The following PSG1 variants were observed in gnomAD, a reference collection of about 807,000 sequenced individuals.
The protein encoded by PSG1 is pregnancy specific beta-1-glycoprotein 1.
A neutral mutation model predicts 41.4 loss-of-function variants in PSG1; 60 were observed. That is an observed-to-expected ratio of 1.45 (90% CI 1.18 to 1.80). The LOEUF (loss-of-function observed/expected upper bound fraction) is 1.80, where lower values mean the gene tolerates loss of function less well. Among genes scored for constraint, PSG1 ranks in the 40% most tolerant of loss-of-function variants. The pLI, the probability that PSG1 is intolerant of heterozygous loss-of-function variation, is 0.00. For missense variants in PSG1, 806 were observed against 516.9 expected, an observed-to-expected ratio of 1.56 and a Z score of -5.42; for synonymous variants, 256 against 192.9, an observed-to-expected ratio of 1.33 and a Z score of -2.71.
rs148809178 is a variant in PSG1, at chr19:42,878,145, G to T, written c.198C>A (p.Ile66=). 1 of 1,612,276 alleles carries T rather than the reference G, an allele frequency of 6.2e-7. No individual in the cohort carries two copies. ...GGTCCCTCATTTGCCCTTTGTACCAGATGTAGCCGGTAAGATTCTGGGGCA... is the reference window on the plus strand; with the variant it reads ...GGTCCCTCATTTGCCCTTTGTACCATATGTAGCCGGTAAGATTCTGGGGCA... ...HNLPQNLTGY[I]WYKGQMRDLY... The change falls in exon 2 of 6, where the codon ATC becomes ATA. Residue 66 remains isoleucine, a synonymous_variant. Coordinates refer to ENST00000436291, the MANE Select transcript of PSG1 (RefSeq NM_001184825.2).
chr19:42,870,333 C>A (rs1600494830), intron 3 of PSG1: 1 of 151,834 alleles, frequency 6.6e-6, no homozygotes, highest in Non-Finnish European at 1.5e-5. Flanking sequence ...GTGAGCATTT[C>A]TTTTCAGCAT....
chr19:42,877,517 G>A (rs1263043199), intron 2 of PSG1, among the ~76,000 whole-genome samples: 3 of 151,710 alleles, frequency 2.0e-5, no homozygotes, highest in Admixed American at 1.3e-4. Context: ...AGGGACAAGG[G>A]TCTGGGGTTG....
chr19:42,875,577 C>T (rs142770509), intron 2 of PSG1, among the ~76,000 whole-genome samples: 3,201 of 151,586 alleles, frequency 0.021, 121 homozygotes, highest in Middle Eastern at 0.051. Flanking sequence ...TACCTAGAGG[C>T]AGATTCAAGC....
Position 42,868,131 on chromosome 19 carries a change from T to C in PSG1, c.1213A>G (p.Ser405Gly). The change falls in exon 5 of 6, where the codon AGC (serine) becomes GGC (glycine). Residue 405 changes from serine to glycine, a missense_variant. Physicochemically the swap from Ser to Gly is moderately conservative, Grantham distance 56. Transcript: ENST00000436291. ...ACTTCGACTGTCATGGATTTGGAGC[T>C]TTCCTTGCCAGTGGCTGAGTTACGA... ...SVRNSATGKE[S>G]SKSMTVEVSD... is the part of the protein sequence containing the mutation. 6.2e-7 allele frequency: 1 copy of C among 1,612,382 alleles called. No individual in the cohort carries two copies. The highest frequency in any genetic ancestry group is 8.5e-7 in the Non-Finnish European group (1 of 1,179,096).
intron 1 of PSG1, 37 bp from the exon 2 acceptor site, chr19:42,878,315 C>A: frequency 1.9e-6 from 3 of 1,575,304 alleles, no homozygotes; most frequent in Non-Finnish European, 1.7e-6. Flanking sequence ...ATATTGAGAC[C>A]TATGTATTGG....
rs547545643 is a variant in PSG1, at chr19:42,877,514, A to G, written c.430+399T>C. ...TATCTGGAACAAGGATTTAGGGACA[A>G]GGGTCTGGGGTTGAGGCTTCTAGGG... On this transcript the variant is annotated intron_variant, in intron 2 of 5. Coordinates refer to ENST00000436291, the MANE Select transcript of PSG1 (RefSeq NM_001184825.2). Among the ~76,000 whole-genome samples, 52 of 151,810 alleles carry G rather than the reference A, an allele frequency of 3.4e-4. 1 individual carries two copies. Among genetic ancestry groups the G allele is most frequent in the African/African-American group, 1.2e-3 (51 of 41,402 alleles).
At chr19:42,870,198 T>G (rs534374972) in intron 3 of PSG1, 1 of 151,966 alleles carries the variant, frequency 6.6e-6, no homozygotes, top group African/African-American at 2.4e-5. Context: ...TGAGTATTTC[T>G]TATGCATAAG....
chr19:42,868,026 T>C (rs1360477891), intron 5 of PSG1, 75 bp downstream of exon 5: 1 of 1,610,990 alleles, frequency 6.2e-7, no homozygotes, highest in Admixed American at 1.7e-5. Context: ...ATACAATTGT[T>C]TTCCTGACTC....
rs148074369 is a variant in PSG1 at position 42,876,568 on chromosome 19, C to G, written c.430+1345G>C. ...TGTGAGAGCTCCTGAGTGTGTGTCTCTCTCGCTGGGCCTGTGGTGGTGTAG... is the reference window on the plus strand; with the variant it reads ...TGTGAGAGCTCCTGAGTGTGTGTCTGTCTCGCTGGGCCTGTGGTGGTGTAG... On this transcript the variant is annotated intron_variant, in intron 2 of 5. Coordinates refer to ENST00000436291, the MANE Select transcript of PSG1 (RefSeq NM_001184825.2). Among the ~76,000 whole-genome samples the G allele has an allele frequency of 1.0e-3, 159 of 151,484 alleles. 5 individuals carry two copies. In the East Asian group the frequency reaches 0.029, roughly 28 times the overall value.
Position 42,868,174 on chromosome 19 carries a change from C to T in PSG1, c.1170G>A (p.Gly390=), listed in dbSNP as rs746654561. 1.9e-6 allele frequency: 3 copies of T among 1,612,354 alleles called. No individual in the cohort carries two copies. Among genetic ancestry groups the T allele is most frequent in the Middle Eastern group, 1.7e-4 (1 of 6,052 alleles). Residue 390 remains glycine (G), a synonymous_variant, in exon 5 of 6, where the codon GGG becomes GGA. Coordinates refer to ENST00000436291, the MANE Select transcript of PSG1 (RefSeq NM_001184825.2). ...FIRHITTKHS[G]LYVCSVRNSA... is the part of the protein sequence containing the mutation. ...AGTTACGAACAGAGCAAACATAGAGCCCGCTATGCTTTGTAGTAATATGGC... is the reference window on the plus strand; with the variant it reads ...AGTTACGAACAGAGCAAACATAGAGTCCGCTATGCTTTGTAGTAATATGGC...
At chr19:42,868,466 C>T (rs1971233333) in intron 4 of PSG1, 111 bp from the exon 5 acceptor site, 5 of 1,479,030 alleles carry the variant, frequency 3.4e-6, no homozygotes, top group Middle Eastern at 4.8e-4. Flanking sequence ...CCTCAAGTCC[C>T]AGCCCAACCC....
At chr19:42,871,662 G>T in intron 3 of PSG1, 105 bp downstream of exon 3, 5 of 1,610,530 alleles carry the variant, frequency 3.1e-6, no homozygotes, top group Non-Finnish European at 3.4e-6. Flanking sequence ...GATGTCCAGG[G>T]GTAAAGGTCT....
At chr19:42,878,365 C>T (rs1971711352) in intron 1 of PSG1, 87 bp from the exon 2 acceptor site, 19 of 1,494,994 alleles carry the variant, frequency 1.3e-5, no homozygotes, top group Non-Finnish European at 1.5e-5. Flanking sequence ...AAGGTCTCTT[C>T]AGTCCTCAGC....
chr19:42,867,200 C>T (rs147678965), intron 5 of PSG1, 50 bp from the exon 6 acceptor site: 5 of 764,876 alleles, frequency 6.5e-6, no homozygotes, highest in East Asian at 2.4e-5. Flanking sequence ...GCTGCAGTCT[C>T]ATAACAGGTA....
rs752365672 is a variant in PSG1 at position 42,878,104 on chromosome 19, G to A, written c.239C>T (p.Thr80Ile). 10 of 1,612,112 alleles carry A rather than the reference G, an allele frequency of 6.2e-6. No individual in the cohort carries two copies. In the Admixed American group the frequency reaches 1.2e-4, roughly 19 times the overall value. Residue 80 changes from threonine to isoleucine, a missense_variant, in exon 2 of 6, where the codon ACA becomes ATA. Physicochemically the swap from Thr to Ile is moderately conservative, Grantham distance 89. Coordinates refer to ENST00000436291, the MANE Select transcript of PSG1 (RefSeq NM_001184825.2). ...TATTTCACCGTCTACTACATATGATGTAATGTAATGGTAGAGGTCCCTCAT... is the reference window on the plus strand; with the variant it reads ...TATTTCACCGTCTACTACATATGATATAATGTAATGGTAGAGGTCCCTCAT... Reference protein sequence around the residue: ...GQMRDLYHYITSYVVDGEIII... With the variant: ...GQMRDLYHYIISYVVDGEIII...
intron 3 of PSG1, among the ~76,000 whole-genome samples, chr19:42,870,818 T>G (rs2122509769): frequency 6.6e-6 from 1 of 151,876 alleles, no homozygotes; most frequent in South Asian, 2.1e-4. Context: ...TCATTTGACT[T>G]TTTTGGTTAA....
At chr19:42,868,734 C>G (rs372351670) in intron 4 of PSG1, 22 bp downstream of exon 4, 3 of 1,610,208 alleles carry the variant, frequency 1.9e-6, no homozygotes, top group African/African-American at 2.7e-5. Context: ...TCCTGGCCCA[C>G]AGAGGAACAA....
chr19:42,877,245 A>G (rs1376043153), intron 2 of PSG1, among the ~76,000 whole-genome samples: 1 of 151,528 alleles, frequency 6.6e-6, no homozygotes, highest in African/African-American at 2.4e-5. Context: ...TAGTCTTTCT[A>G]TGGACTATCC....
rs765026561 is a variant in PSG1, at chr19:42,879,539, A to C, written c.43T>G (p.Trp15Gly). ...TCACCTGTGAGCAGGAGCCCCTTCC[A>C]TTTGATGCGCTGTGTGCAGGGAGGG... ...SAPPCTQRIK[W>G]KGLLLTASLL... is the part of the protein sequence containing the mutation. The change falls in exon 1 of 6, where the codon TGG becomes GGG. Residue 15 changes from tryptophan (W) to glycine (G), a missense_variant. Coordinates refer to ENST00000436291, the MANE Select transcript of PSG1 (RefSeq NM_001184825.2). 1 of 1,610,482 alleles carries C rather than the reference A, an allele frequency of 6.2e-7. No individual in the cohort carries two copies. The highest frequency in any genetic ancestry group is 1.3e-5 in the African/African-American group (1 of 74,658).
Sources: gnomAD v4.1 joint callset for allele counts (sites outside exome capture counted in the v4.1 genomes callset) on GRCh38, gnomAD v4.1.1 for gene constraint, MANE v1.5 for transcripts, NCBI Gene and HGNC (gene_info 2026-07-23, HGNC 2026-07-21) for gene names.